ARHGAP8: variants seen among roughly 807,000 people sequenced by gnomAD.
ARHGAP8 encodes the protein rho GTPase-activating protein 8.
A neutral mutation model predicts 46.1 loss-of-function variants in ARHGAP8; 62 were observed. That is an observed-to-expected ratio of 1.34 (90% CI 1.10 to 1.66). The LOEUF (loss-of-function observed/expected upper bound fraction) is 1.66, where lower values mean the gene tolerates loss of function less well. ARHGAP8 is among the 40% of genes most tolerant of loss of function. The probability of loss-of-function intolerance (pLI) is 0.00; values close to 1 mark genes in which losing one functional copy is unlikely to be tolerated. For missense variants in ARHGAP8, 923 were observed against 568.4 expected (o/e 1.62, Z -6.34); for synonymous variants, 375 against 243.1 (o/e 1.54, Z -5.05).
chr22:44,840,299 G>A (rs1157366060), intron 7 of ARHGAP8, among the ~76,000 whole-genome samples: 1 of 152,124 alleles, frequency 6.6e-6, no homozygotes, highest in Non-Finnish European at 1.5e-5. Context: ...ATCTCGGCAG[G>A]GCTGCATTTT....
chr22:44,760,083 G>A (rs779260167), intron 1 of ARHGAP8, among the ~76,000 whole-genome samples: 2 of 152,212 alleles, frequency 1.3e-5, no homozygotes, highest in Non-Finnish European at 2.9e-5. Context: ...AGGTCCTGAT[G>A]CAGGTCACAG....
intron 9 of ARHGAP8, 70 bp from the exon 10 acceptor site, chr22:44,848,862 A>T (rs2070025260): frequency 6.3e-7 from 1 of 1,598,710 alleles, no homozygotes; most frequent in South Asian, 1.1e-5. Flanking sequence ...CCTGTGTCTC[A>T]GAGCTCGTTC....
At chr22:44,839,659 C>A (rs1020080975) in intron 7 of ARHGAP8, among the ~76,000 whole-genome samples, 1 of 152,194 alleles carries the variant, frequency 6.6e-6, no homozygotes, top group Non-Finnish European at 1.5e-5. Flanking sequence ...TGATCTCTAA[C>A]TTGGGCTCAT....
chr22:44,806,974 GAAATC>G (rs949100443), intron 3 of ARHGAP8, among the ~76,000 whole-genome samples: 6 of 143,422 alleles, frequency 4.2e-5, no homozygotes, highest in African/African-American at 1.1e-4. Context: ...AAAAAAAAAA[GAAATC>G]AAACGCACAC....
intron 5 of ARHGAP8, among the ~76,000 whole-genome samples, chr22:44,821,444 G>A (rs1382218974): frequency 2.0e-5 from 3 of 151,096 alleles, no homozygotes; most frequent in Non-Finnish European, 2.9e-5. Flanking sequence ...AAAAAAAGTT[G>A]TATATCTTAA....
At chr22:44,816,926 C>T (rs577921795) in intron 5 of ARHGAP8, among the ~76,000 whole-genome samples, 4 of 149,656 alleles carry the variant, frequency 2.7e-5, no homozygotes, top group East Asian at 1.9e-4. Flanking sequence ...GCTTTTGTCC[C>T]CCAGGCTGGA....
chr22:44,780,679 G>A (rs957413958), intron 1 of ARHGAP8, among the ~76,000 whole-genome samples: 3 of 152,036 alleles, frequency 2.0e-5, no homozygotes, highest in Non-Finnish European at 2.9e-5. Context: ...AATAAAATAG[G>A]TATTCAGTGA....
At chr22:44,808,039 G>A (rs959170014) in intron 3 of ARHGAP8, among the ~76,000 whole-genome samples, 1 of 152,172 alleles carries the variant, frequency 6.6e-6, no homozygotes, top group East Asian at 1.9e-4. Flanking sequence ...CAGGCTCCAC[G>A]GATTTGATAT....
At chr22:44,850,236 G>A (rs536224141) in intron 10 of ARHGAP8, 2 of 152,194 alleles carry the variant, frequency 1.3e-5, no homozygotes, top group East Asian at 3.8e-4. Flanking sequence ...GATGGGGAAG[G>A]TCTCTCCTAC....
At chr22:44,815,406 G>A (rs1299797137) in intron 5 of ARHGAP8, among the ~76,000 whole-genome samples, 1 of 151,328 alleles carries the variant, frequency 6.6e-6, no homozygotes, top group Non-Finnish European at 1.5e-5. Context: ...ACCCACCCAA[G>A]GCCCCCGCCC....
intron 1 of ARHGAP8, among the ~76,000 whole-genome samples, chr22:44,784,396 T>C (rs1375197897): frequency 1.3e-5 from 2 of 152,160 alleles, no homozygotes; most frequent in African/African-American, 4.8e-5. Flanking sequence ...GGAGTGAGAC[T>C]CGGTCTCAAA....
chr22:44,862,209 A>T, intron 11 of ARHGAP8, 66 bp from the exon 12 acceptor site: 1 of 1,525,508 alleles, frequency 6.6e-7, no homozygotes, highest in Non-Finnish European at 8.8e-7. Flanking sequence ...TAAGTTCGGG[A>T]GGGAGTTCCA....
At chr22:44,753,094 G>A (rs1299945180) in intron 1 of ARHGAP8, among the ~76,000 whole-genome samples, 1 of 152,072 alleles carries the variant, frequency 6.6e-6, no homozygotes, top group East Asian at 1.9e-4. Context: ...CAAGGTGGGT[G>A]AGGTCATTCC....
rs796490147 is a variant in ARHGAP8, at chr22:44,827,336, G to GTTTTTTTTTTTTTTTT, written c.596+1754_596+1769dup. On this transcript the variant is annotated intron_variant, in intron 7 of 11. Transcript: ENST00000356099. ...GGTGAGATAATACATTTGGGTGGTG[G>GTTTTTTTTTTTTTTTT]TTTTTTTTTTTTTTTTTTTTTTTTT... Among the ~76,000 whole-genome samples, 66 of 67,266 alleles carry GTTTTTTTTTTTTTTTT rather than the reference G, an allele frequency of 9.8e-4. 20 individuals are homozygous for GTTTTTTTTTTTTTTTT. The highest frequency in any genetic ancestry group is 2.9e-3 in the African/African-American group (50 of 17,072). The allele number at this position is 67,266 out of a possible 152,430, so 44.1% of individuals were successfully genotyped here.
At chr22:44,757,360 C>T (rs1252092305) in intron 1 of ARHGAP8, among the ~76,000 whole-genome samples, 1 of 152,074 alleles carries the variant, frequency 6.6e-6, no homozygotes, top group African/African-American at 2.4e-5. Context: ...TCACTGCAAC[C>T]TCCGCGTCCC....
intron 7 of ARHGAP8, among the ~76,000 whole-genome samples, chr22:44,843,824 CAAAAAAAAAAAA>C (rs56308320): frequency 9.9e-4 from 92 of 93,100 alleles, no homozygotes; most frequent in African/African-American, 3.1e-3. Flanking sequence ...GACCTTGTCT[CAAAAAAAAAAAA>C]AAAAAAAAGG....
chr22:44,860,959 T>G lies in ARHGAP8; in HGVS notation c.981+1125T>G, dbSNP rs186459904. Among the ~76,000 whole-genome samples, 52 of 151,818 alleles carry G rather than the reference T, an allele frequency of 3.4e-4. 2 individuals are homozygous for G. The highest frequency in any genetic ancestry group is 2.9e-3 in the Admixed American group (44 of 15,210). ...TTTACAACAATTTTTTTTCTCCCTG[T>G]TGCTTGACATAATTTCTCAGAGGCC... On this transcript the variant is annotated intron_variant, in intron 11 of 11. Transcript: ENST00000356099.
intron 10 of ARHGAP8, among the ~76,000 whole-genome samples, chr22:44,856,119 C>A (rs1019858224): frequency 2.0e-5 from 3 of 152,020 alleles, no homozygotes; most frequent in Non-Finnish European, 4.4e-5. Context: ...AGAAATCTGT[C>A]CCCATGATTT....
intron 8 of ARHGAP8, among the ~76,000 whole-genome samples, chr22:44,846,862 C>T (rs911919452): frequency 3.3e-5 from 5 of 151,634 alleles, no homozygotes; most frequent in South Asian, 2.1e-4. Context: ...CCTGCCAGAC[C>T]GGGGTCCCTG....
Sources: gnomAD v4.1 joint callset for allele counts (sites outside exome capture counted in the v4.1 genomes callset) on GRCh38, gnomAD v4.1.1 for gene constraint, MANE v1.5 for transcripts, NCBI Gene and HGNC (gene_info 2026-07-23, HGNC 2026-07-21) for gene names.